Variants in ASB4 observed in about 807,000 individuals in gnomAD.
ASB4 encodes ankyrin repeat and SOCS box containing 4.
A neutral mutation model predicts 38.6 loss-of-function variants in ASB4; 35 were observed. That is an observed-to-expected ratio of 0.91 (90% CI 0.69 to 1.20). The LOEUF (loss-of-function observed/expected upper bound fraction) is 1.20, where lower values mean the gene tolerates loss of function less well. ASB4 is among the 50% of genes most tolerant of loss of function. ASB4 has a pLI of 0.00. For synonymous variants in ASB4, 195 were observed against 201.3 expected, an observed-to-expected ratio of 0.97 and a Z score of 0.26; for missense variants, 557 against 527.2, an observed-to-expected ratio of 1.06 and a Z score of -0.55.
chr7:95,521,569 C>G (rs1485843449), intron 2 of ASB4, among the ~76,000 whole-genome samples: 1 of 151,834 alleles, frequency 6.6e-6, no homozygotes, highest in Non-Finnish European at 1.5e-5. Flanking sequence ...CAAGTAACTA[C>G]TGCACAGTTT....
At chr7:95,547,016 A>G in the ASB4 span, among the ~76,000 whole-genome samples, 1 of 152,322 alleles carries the variant, frequency 6.6e-6, no homozygotes, top group South Asian at 2.1e-4. Flanking sequence ...AAGCTTTAAT[A>G]GGCGAATTAG....
the ASB4 span, among the ~76,000 whole-genome samples, chr7:95,470,822 TC>T: frequency 6.6e-6 from 1 of 152,126 alleles, no homozygotes; most frequent in Non-Finnish European, 1.5e-5. Flanking sequence ...TTTTCTTTTT[TC>T]CCCCCATTAG....
At chr7:95,540,598 C>A (rs1396015496), downstream of ASB4, among the ~76,000 whole-genome samples, 1 of 152,222 alleles carries the variant, frequency 6.6e-6, no homozygotes, top group Non-Finnish European at 1.5e-5. Context: ...ATTACATCCT[C>A]ATGACGCCTT....
intron 3 of ASB4, chr7:95,528,548 G>C (rs544116609): frequency 7.0e-7 from 1 of 1,424,432 alleles, no homozygotes; most frequent in East Asian, 2.5e-5. Context: ...GTTTTGCCTT[G>C]TGTGAACACC....
the ASB4 span, among the ~76,000 whole-genome samples, chr7:95,547,658 TAG>T: frequency 3.9e-5 from 6 of 152,368 alleles, no homozygotes; most frequent in Admixed American, 1.3e-4. Flanking sequence ...AACATCAGTT[TAG>T]ATGTTGCTGT....
At chr7:95,507,707 A>G (rs373139899) in intron 2 of ASB4, among the ~76,000 whole-genome samples, 4 of 152,300 alleles carry the variant, frequency 2.6e-5, no homozygotes, top group South Asian at 4.1e-4. Flanking sequence ...ACTAGGGAAA[A>G]GAGTGCAGTT....
intron 2 of ASB4, among the ~76,000 whole-genome samples, chr7:95,515,308 T>TCTTCCTTC (rs1488216474): frequency 8.9e-6 from 1 of 112,446 alleles, no homozygotes; most frequent in South Asian, 3.2e-4. Context: ...TTTCTTTCTT[T>TCTTCCTTC]CTTTCTTTCT....
chr7:95,506,231 A>C (rs1790406242), intron 2 of ASB4, among the ~76,000 whole-genome samples: 1 of 152,098 alleles, frequency 6.6e-6, no homozygotes, highest in African/African-American at 2.4e-5. Context: ...GAAATATTTA[A>C]ACTCAGTGGG....
At chr7:95,475,389 T>C (rs1192372001), upstream of ASB4, among the ~76,000 whole-genome samples, 1 of 152,092 alleles carries the variant, frequency 6.6e-6, no homozygotes, top group African/African-American at 2.4e-5. Flanking sequence ...ATTTAATTAA[T>C]TAATTATTTT....
At chr7:95,540,657 GA>G (rs1200701377), downstream of ASB4, among the ~76,000 whole-genome samples, 1 of 151,988 alleles carries the variant, frequency 6.6e-6, no homozygotes, top group Non-Finnish European at 1.5e-5. Context: ...CTGTCTTGAA[GA>G]AAAAAACAAT....
chr7:95,513,766 T>G (rs1320689386), intron 2 of ASB4, among the ~76,000 whole-genome samples: 2 of 152,178 alleles, frequency 1.3e-5, no homozygotes, highest in Non-Finnish European at 2.9e-5. Flanking sequence ...GCTGCCCAGT[T>G]TGTGGTAACT....
At chr7:95,544,528 T>G (rs939929549), downstream of ASB4, 1 of 152,228 alleles carries the variant, frequency 6.6e-6, no homozygotes. Flanking sequence ...GAAAAATATA[T>G]GGACTTTGGA....
intron 3 of ASB4, 112 bp from the exon 4 acceptor site, chr7:95,536,325 C>T (rs900397368): frequency 4.3e-5 from 27 of 625,136 alleles, no homozygotes; most frequent in Non-Finnish European, 7.0e-5. Flanking sequence ...GCTGGGATTA[C>T]AGGCACATGC....
chr7:95,488,682 A>G (rs1187218883), intron 1 of ASB4, among the ~76,000 whole-genome samples: 1 of 152,236 alleles, frequency 6.6e-6, no homozygotes, highest in Non-Finnish European at 1.5e-5. Context: ...GACGCTGTTG[A>G]ACTGCTACAC....
chr7:95,515,650 G>T (rs977407663), intron 2 of ASB4, among the ~76,000 whole-genome samples: 1 of 152,088 alleles, frequency 6.6e-6, no homozygotes, highest in Non-Finnish European at 1.5e-5. Context: ...TCTTGACCTT[G>T]TGATCCCCCC....
chr7:95,488,834 C>T (rs1048339412), intron 1 of ASB4, among the ~76,000 whole-genome samples: 3 of 152,162 alleles, frequency 2.0e-5, no homozygotes, highest in African/African-American at 7.2e-5. Flanking sequence ...TTCCTGTTTA[C>T]TTTTAAAGTG....
chr7:95,536,508 GA>G lies in ASB4; in HGVS notation c.1052del (p.Asn351ThrfsTer63), dbSNP rs1251802686. The G allele has an allele frequency of 6.2e-7, 1 of 1,613,226 alleles. No homozygotes were observed. Among genetic ancestry groups the G allele is most frequent in the South Asian group, 1.1e-5 (1 of 91,022 alleles). ...VVNAYEHIRW[N>X]TKWRRAIPDD... Reference sequence around the variant, plus strand: ...TCAATGCCTATGAACACATCAGATGGAACACAAAGTGGAGAAGAGCTATCCC... The same window carrying G: ...TCAATGCCTATGAACACATCAGATGGACACAAAGTGGAGAAGAGCTATCCC... On this transcript the variant is annotated frameshift_variant, in exon 4 of 5. Coordinates refer to ENST00000325885, the MANE Select transcript of ASB4 (RefSeq NM_016116.3).
At chr7:95,492,690 C>A (rs150174034) in intron 1 of ASB4, among the ~76,000 whole-genome samples, 3 of 152,128 alleles carry the variant, frequency 2.0e-5, no homozygotes, top group African/African-American at 4.8e-5. Flanking sequence ...CAGAAGCAGG[C>A]GCAAATTTCC....
Position 95,506,152 on chromosome 7 carries a change from G to A in ASB4, c.487+10095G>A, listed in dbSNP as rs566424140. ...GGCCTCAAGTGATCCTCCTGCCTAG[G>A]CCTACAAAGTGCTGGAATTATAGGT... On this transcript the variant is annotated intron_variant, in intron 2 of 4. Coordinates refer to ENST00000325885, the MANE Select transcript of ASB4 (RefSeq NM_016116.3). 9.8e-5 allele frequency among the ~76,000 whole-genome samples: 15 copies of A among 152,298 alleles called. No homozygotes were observed. The South Asian group carries it at 3.1e-3, about 32-fold the overall frequency.
Sources: gnomAD v4.1 joint callset for allele counts (sites outside exome capture counted in the v4.1 genomes callset) on GRCh38, gnomAD v4.1.1 for gene constraint, MANE v1.5 for transcripts, NCBI Gene and HGNC (gene_info 2026-07-23, HGNC 2026-07-21) for gene names.